CPSF4: variants seen among roughly 807,000 people sequenced by gnomAD.
The protein encoded by CPSF4 is cleavage and polyadenylation specific factor 4.
A neutral mutation model predicts 37.7 loss-of-function variants in CPSF4; 11 were observed. That is an observed-to-expected ratio of 0.29 (90% CI 0.18 to 0.48). CPSF4 has a LOEUF of 0.48. CPSF4 is among the 20% of genes least tolerant of loss of function. The pLI is 0.99. For synonymous variants in CPSF4, 132 were observed against 135.9 expected (o/e 0.97, Z 0.20); for missense variants, 144 against 359.5 (o/e 0.40, Z 4.85).
chr7:99,455,757 A>T (rs1798263583), intron 7 of CPSF4, among the ~76,000 whole-genome samples: 1 of 152,242 alleles, frequency 6.6e-6, no homozygotes, highest in Non-Finnish European at 1.5e-5. Flanking sequence ...AGGCAGGGTC[A>T]GGGCTGGATT....
Position 99,452,443 on chromosome 7 carries a change from A to G in CPSF4, c.570+3A>G, listed in dbSNP as rs1797997154. ...AGCAGACACAGCCTCCAGCAAAGGT[A>G]CCGTGCCTGGCCTTCCTCGGTAGGA... On this transcript the variant is annotated splice_donor_region_variant and intron_variant, in intron 6 of 7. Transcript: ENST00000292476. The G allele has an allele frequency of 1.2e-6, 2 of 1,613,414 alleles. No individual in the cohort carries two copies. The highest frequency in any genetic ancestry group is 3.3e-5 in the Admixed American group (2 of 60,016).
chr7:99,452,177 T>G (rs1171633363), intron 5 of CPSF4, among the ~76,000 whole-genome samples, 191 bp from the exon 6 acceptor site: 2 of 152,192 alleles, frequency 1.3e-5, no homozygotes, highest in African/African-American at 4.8e-5. Context: ...GCCACTCCTG[T>G]GGCCTCCCAG....
chr7:99,449,589 C>T (rs904460271), intron 3 of CPSF4, among the ~76,000 whole-genome samples: 1 of 152,258 alleles, frequency 6.6e-6, no homozygotes, highest in African/African-American at 2.4e-5. Flanking sequence ...GGCCCCCTTT[C>T]CAGGCACTGG....
At chr7:99,447,164 A>T (rs1486624379) in intron 2 of CPSF4, among the ~76,000 whole-genome samples, 1 of 151,250 alleles carries the variant, frequency 6.6e-6, no homozygotes, top group East Asian at 1.9e-4. Flanking sequence ...TCTCAGGCTG[A>T]TCTCGAACTT....
In CPSF4 at chr7:99,439,163, G is replaced by T; in HGVS notation, c.81G>T (p.Pro27=). The part of the protein sequence containing the change: ...IAVEQQLGAQ[P]LPFPGMDKSG... ...TGGAGCAGCAGCTGGGGGCGCAGCCGCTGCCCTTCCCCGGCATGGACAGTG... is the reference window on the plus strand; with the variant it reads ...TGGAGCAGCAGCTGGGGGCGCAGCCTCTGCCCTTCCCCGGCATGGACAGTG... Residue 27 remains proline (P), a synonymous_variant, in exon 1 of 8, where the codon CCG becomes CCT. Coordinates refer to ENST00000292476, the MANE Select transcript of CPSF4 (RefSeq NM_006693.4). The T allele has an allele frequency of 6.2e-7, 1 of 1,608,528 alleles. No individual in the cohort carries two copies. Among genetic ancestry groups the T allele is most frequent in the Non-Finnish European group, 8.5e-7 (1 of 1,178,928 alleles).
chr7:99,438,969 G>A lies in CPSF4; in HGVS notation c.-114G>A. On this transcript the variant is annotated 5_prime_UTR_variant, in exon 1 of 8. Coordinates refer to ENST00000292476, the MANE Select transcript of CPSF4 (RefSeq NM_006693.4). ...GCATCCCTCGGGCGGCGGCGGCGGC[G>A]GCGGCGAGGCGAAGCGAAGGAGGAG... 1.3e-5 allele frequency: 18 copies of A among 1,335,260 alleles called. No homozygotes were observed. Among genetic ancestry groups the A allele is most frequent in the Non-Finnish European group, 1.6e-5 (17 of 1,038,362 alleles). The allele number at this position is 1,335,260 out of a possible 1,614,324, so 82.7% of individuals were successfully genotyped here.
chr7:99,456,733 C>T lies in CPSF4; in HGVS notation c.*233C>T, dbSNP rs1798343172. 2 of 596,838 alleles carry T rather than the reference C, an allele frequency of 3.4e-6. No homozygotes were observed. The highest frequency in any genetic ancestry group is 6.1e-6 in the Non-Finnish European group (2 of 325,536). The allele number at this position is 596,838 out of a possible 1,614,324, so 37.0% of individuals were successfully genotyped here. A position where few individuals can be genotyped will look rare whatever the true frequency, so the allele number is the denominator to read the frequency against. On this transcript the variant is annotated 3_prime_UTR_variant, in exon 8 of 8. Coordinates refer to ENST00000292476, the MANE Select transcript of CPSF4 (RefSeq NM_006693.4). ...GCAGTCGACATCATGTTTGGCTGGG[C>T]ATCGATGCCTCCTTTCTGGGACTCC...
intron 1 of CPSF4, among the ~76,000 whole-genome samples, chr7:99,442,654 TCAAAA>T (rs1797098760): frequency 2.6e-5 from 1 of 38,622 alleles, no homozygotes; most frequent in African/African-American, 4.4e-4. Context: ...AGACTCCGTC[TCAAAA>T]AAAAAAAAAA....
At chr7:99,441,165 G>A (rs1796944099) in intron 1 of CPSF4, among the ~76,000 whole-genome samples, 1 of 151,994 alleles carries the variant, frequency 6.6e-6, no homozygotes, top group Non-Finnish European at 1.5e-5. Context: ...TGGCCAGGCT[G>A]GTCTTGAACT....
chr7:99,438,997 T>G lies in CPSF4; in HGVS notation c.-86T>G. On this transcript the variant is annotated 5_prime_UTR_variant, in exon 1 of 8. Transcript: ENST00000292476. ...GGCGAGGCGAAGCGAAGGAGGAGTG[T>G]GTGCGGCGGGGCCGGCGGCGGGTAA... The G allele has an allele frequency of 1.5e-6, 2 of 1,354,996 alleles. No homozygotes were observed. The highest frequency in any genetic ancestry group is 9.7e-7 in the Non-Finnish European group (1 of 1,029,102). 83.9% of individuals were successfully genotyped at this position (1,354,996 alleles called of 1,614,324 possible). A position where few individuals can be genotyped will look rare whatever the true frequency, so the allele number is the denominator to read the frequency against.
chr7:99,439,132 T>C lies in CPSF4; in HGVS notation c.50T>C (p.Ile17Thr), dbSNP rs567265415. 1 of 1,611,422 alleles carries C rather than the reference T, an allele frequency of 6.2e-7. No homozygotes were observed. Among genetic ancestry groups the C allele is most frequent in the East Asian group, 2.2e-5 (1 of 44,682 alleles). The change falls in exon 1 of 8, where the codon ATC (isoleucine) becomes ACC (threonine). Residue 17 changes from isoleucine (I) to threonine (T), a missense_variant. Coordinates refer to ENST00000292476, the MANE Select transcript of CPSF4 (RefSeq NM_006693.4). ...GACCACATCAAGTTTGACTTGGAGA[T>C]CGCGGTGGAGCAGCAGCTGGGGGCG... ...SVDHIKFDLE[I>T]AVEQQLGAQP...
At position 99,455,283 on chromosome 7, in the gene CPSF4, T is replaced by A. The variant is rs75927949; in HGVS notation, c.741+1147T>A. Among the ~76,000 whole-genome samples the A allele has an allele frequency of 1.1e-3, 167 of 152,110 alleles. 3 individuals are homozygous for A. The East Asian group carries it at 0.026, about 24-fold the overall frequency. On this transcript the variant is annotated intron_variant, in intron 7 of 7. Transcript: ENST00000292476. ...GGATTCCCCAGAGTCAGCTGTGGGG[T>A]CCGACAGACATGCCAGATGCCGTGA... is the stretch of plus-strand genomic sequence containing the variant.
Position 99,439,193 on chromosome 7 carries a change from C to T in CPSF4, c.103+8C>T. On this transcript the variant is annotated splice_region_variant and intron_variant, in intron 1 of 7. Coordinates refer to ENST00000292476, the MANE Select transcript of CPSF4 (RefSeq NM_006693.4). ...CCTTCCCCGGCATGGACAGTGAGCG[C>T]GGGGCCCGGGCGGGAGGGCAAGAGC... 1.3e-6 allele frequency: 2 copies of T among 1,574,106 alleles called. No homozygotes were observed.
intron 1 of CPSF4, chr7:99,443,083 C>G: frequency 1.1e-6 from 1 of 950,210 alleles, no homozygotes; most frequent in East Asian, 2.4e-5. Context: ...TCCAAGTTAA[C>G]CATAGGTGTG....
intron 2 of CPSF4, among the ~76,000 whole-genome samples, chr7:99,447,148 A>G (rs1241313167): frequency 6.6e-6 from 1 of 151,734 alleles, no homozygotes; most frequent in Non-Finnish European, 1.5e-5. Context: ...TGTAGTGAAG[A>G]CAAGATCTCA....
intron 4 of CPSF4, 108 bp downstream of exon 4, chr7:99,450,479 T>C (rs1584507639): frequency 2.4e-6 from 2 of 819,622 alleles, no homozygotes; most frequent in East Asian, 5.2e-5. Flanking sequence ...AAACCTGACA[T>C]TCTGCAGCTA....
intron 1 of CPSF4, among the ~76,000 whole-genome samples, chr7:99,444,072 C>G (rs1201891151): frequency 6.6e-6 from 1 of 152,194 alleles, no homozygotes; most frequent in African/African-American, 2.4e-5. Flanking sequence ...ATTGTCTGTA[C>G]GTCTGTGAGA....
intron 1 of CPSF4, among the ~76,000 whole-genome samples, chr7:99,440,947 CTTTT>C (rs555082595): frequency 4.2e-5 from 5 of 120,278 alleles, no homozygotes; most frequent in South Asian, 2.6e-4. Context: ...CTTTTCCTGT[CTTTT>C]TTTTTTTTTT....
intron 5 of CPSF4, chr7:99,451,148 A>C (rs1185484157): frequency 1.6e-5 from 3 of 189,492 alleles, no homozygotes; most frequent in Non-Finnish European, 3.3e-5. Context: ...AGAGCCTCCC[A>C]TGTGGAGGCT....
Sources: allele counts gnomAD v4.1 joint callset (sites outside exome capture counted in the v4.1 genomes callset), GRCh38; gene constraint gnomAD v4.1.1; transcripts MANE v1.5; gene names NCBI Gene and HGNC (gene_info 2026-07-23, HGNC 2026-07-21).